The following PTPN12 variants were observed in gnomAD, a reference collection of about 807,000 sequenced individuals.
PTPN12 encodes the protein tyrosine-protein phosphatase non-receptor type 12.
In PTPN12, 29 loss-of-function variants were observed where a neutral mutation model predicts 97.6. The ratio of observed to expected loss-of-function variants is 0.30; its 90% CI spans 0.22 to 0.41. The LOEUF is 0.41. Ranked by LOEUF, PTPN12 falls within the 10% of genes least tolerant of loss-of-function variation. PTPN12 has a pLI of 1.00. For missense variants in PTPN12, 819 were observed against 926.0 expected (o/e 0.88, Z 1.50); for synonymous variants, 327 against 300.4 (o/e 1.09, Z -0.91).
intron 1 of PTPN12, among the ~76,000 whole-genome samples, chr7:77,543,838 C>T (rs1441615645): frequency 5.9e-5 from 9 of 152,092 alleles, no homozygotes; most frequent in East Asian, 3.8e-4. Flanking sequence ...AGTATTGATC[C>T]GTAGTACTTT....
intron 17 of PTPN12, 26 bp downstream of exon 17, chr7:77,638,757 A>G: frequency 6.3e-7 from 1 of 1,589,116 alleles, no homozygotes; most frequent in Non-Finnish European, 8.5e-7. Context: ...AATAATTTTT[A>G]GTAAGTAGTT....
At chr7:77,556,672 A>G (rs1361249863) in intron 1 of PTPN12, among the ~76,000 whole-genome samples, 1 of 151,464 alleles carries the variant, frequency 6.6e-6, no homozygotes, top group Non-Finnish European at 1.5e-5. Context: ...ACATGGTGAA[A>G]CCCCGTCTCT....
At position 77,593,583 on chromosome 7, in the gene PTPN12, A is replaced by C. The variant is rs1202778579; in HGVS notation, c.492+1327A>C. ...CAGGATGAGCCAATGTTGCAGATGAAGGCAGCCTGCTGGAGAATTCTGTCT... is the reference window on the plus strand; with the variant it reads ...CAGGATGAGCCAATGTTGCAGATGACGGCAGCCTGCTGGAGAATTCTGTCT... On this transcript the variant is annotated intron_variant, in intron 6 of 17. Transcript: ENST00000248594. 2.0e-5 allele frequency among the ~76,000 whole-genome samples: 3 copies of C among 152,332 alleles called. No individual in the cohort carries two copies. The East Asian group carries it at 5.8e-4, about 29-fold the overall frequency.
intron 1 of PTPN12, among the ~76,000 whole-genome samples, chr7:77,551,600 C>T (rs1242393100): frequency 6.6e-6 from 1 of 152,212 alleles, no homozygotes; most frequent in Non-Finnish European, 1.5e-5. Context: ...CAGGTTTCTT[C>T]AACATCACGT....
chr7:77,567,928 A>G (rs963948731), intron 1 of PTPN12, among the ~76,000 whole-genome samples: 20 of 152,348 alleles, frequency 1.3e-4, no homozygotes, highest in African/African-American at 4.6e-4. Context: ...CACACAGCTA[A>G]GAAAGTACCA....
At chr7:77,538,254 C>T (rs959422514) in intron 1 of PTPN12, 1 of 304,198 alleles carries the variant, frequency 3.3e-6, no homozygotes, top group Non-Finnish European at 4.8e-6. Flanking sequence ...ACCTAATTTC[C>T]ATTTACCCGC....
chr7:77,635,723 A>G (rs1406202144), intron 14 of PTPN12, 59 bp from the exon 15 acceptor site: 1 of 1,111,040 alleles, frequency 9.0e-7, no homozygotes, highest in Non-Finnish European at 1.3e-6. Context: ...TATTACTTTA[A>G]TGCAAAGAAA....
intron 2 of PTPN12, among the ~76,000 whole-genome samples, chr7:77,574,217 G>A (rs535771234): frequency 2.4e-4 from 36 of 152,288 alleles, no homozygotes; most frequent in African/African-American, 7.7e-4. Context: ...TAGGGAGAAA[G>A]CAGAGAATAG....
intron 8 of PTPN12, among the ~76,000 whole-genome samples, chr7:77,604,363 G>GCC: frequency 2.0e-5 from 3 of 151,494 alleles, no homozygotes; most frequent in Non-Finnish European, 4.4e-5. Flanking sequence ...TTATAGGCAT[G>GCC]CACCACCACA....
At chr7:77,550,309 A>G (rs1237700772) in intron 1 of PTPN12, among the ~76,000 whole-genome samples, 1 of 152,214 alleles carries the variant, frequency 6.6e-6, no homozygotes, top group African/African-American at 2.4e-5. Flanking sequence ...CTAATACGGT[A>G]AATAGATTAT....
At chr7:77,594,235 G>A (rs1057366276) in intron 6 of PTPN12, among the ~76,000 whole-genome samples, 1 of 152,106 alleles carries the variant, frequency 6.6e-6, no homozygotes, top group Non-Finnish European at 1.5e-5. Flanking sequence ...CTGAGGTGGG[G>A]AGGATTGCTT....
At position 77,537,590 on chromosome 7, in the gene PTPN12, A is replaced by G. The variant is rs1267936408; in HGVS notation, c.44A>G (p.Gln15Arg). The change falls in exon 1 of 18, where the codon CAG becomes CGG. Residue 15 changes from glutamine to arginine, a missense_variant. By Grantham distance (43) the Gln-to-Arg change is conservative (BLOSUM62 1). This residue lies in a region of PTPN12 where 59 missense variants were observed against 42.2 expected (regional missense o/e 1.40). Coordinates refer to ENST00000248594, the MANE Select transcript of PTPN12 (RefSeq NM_002835.4). Reference protein sequence around the residue: ...EILRKFIQRVQAMKSPDHNGE... With the variant: ...EILRKFIQRVRAMKSPDHNGE... ...CTGAGGAAATTCATCCAGAGGGTCC[A>G]GGCCATGAAGAGTCCTGACCACAAT... 3.1e-6 allele frequency: 5 copies of G among 1,605,094 alleles called. No individual in the cohort carries two copies. In the Admixed American group the frequency reaches 6.7e-5, roughly 22 times the overall value.
chr7:77,569,611 A>T (rs1471609562), intron 1 of PTPN12, among the ~76,000 whole-genome samples: 1 of 152,116 alleles, frequency 6.6e-6, no homozygotes, highest in Non-Finnish European at 1.5e-5. Context: ...TCTCTACTAA[A>T]AATATGAAAA....
Position 77,607,142 on chromosome 7 carries a change from T to G in PTPN12, c.696-93T>G. Reference sequence around the variant, plus strand: ...AATTTTGTCAAACTTCTTAAATGATTTTTTGTTTCTGAATATTAACATGTC... The same window carrying G: ...AATTTTGTCAAACTTCTTAAATGATGTTTTGTTTCTGAATATTAACATGTC... On this transcript the variant is annotated intron_variant, in intron 8 of 17. Transcript: ENST00000248594. 11 of 1,023,058 alleles carry G rather than the reference T, an allele frequency of 1.1e-5. 1 individual carries two copies. The highest frequency in any genetic ancestry group is 2.7e-4 in the Middle Eastern group (1 of 3,702). The allele number at this position is 1,023,058 out of a possible 1,614,324, so 63.4% of individuals were successfully genotyped here. A position where few individuals can be genotyped will look rare whatever the true frequency, so the allele number is the denominator to read the frequency against.
chr7:77,539,393 A>G (rs1806839705), intron 1 of PTPN12, among the ~76,000 whole-genome samples: 1 of 152,186 alleles, frequency 6.6e-6, no homozygotes, highest in Non-Finnish European at 1.5e-5. Flanking sequence ...TATTTAGCCT[A>G]TGTATTTTTG....
rs372251076 is a variant in PTPN12 at position 77,635,842 on chromosome 7, A to C, written c.2135A>C (p.Lys712Thr). 15 of 1,603,928 alleles carry C rather than the reference A, an allele frequency of 9.4e-6. No individual in the cohort carries two copies. The highest frequency in any genetic ancestry group is 2.7e-5 in the African/African-American group (2 of 74,582). ...LQSQERSEQKKSEGLITSENE... is the reference protein window; with the variant it reads ...LQSQERSEQKTSEGLITSENE... Reference sequence around the variant, plus strand: ...AGTCAGGAACGATCTGAACAAAAAAAGTCTGAAGTAAGTCCTTTTGGAATT... The same window carrying C: ...AGTCAGGAACGATCTGAACAAAAAACGTCTGAAGTAAGTCCTTTTGGAATT... The change falls in exon 15 of 18, where the codon AAG (lysine) becomes ACG (threonine). Residue 712 changes from lysine to threonine, a missense_variant. Coordinates refer to ENST00000248594, the MANE Select transcript of PTPN12 (RefSeq NM_002835.4).
chr7:77,560,892 T>TCC (rs1807967324), intron 1 of PTPN12, among the ~76,000 whole-genome samples: 1 of 151,866 alleles, frequency 6.6e-6, no homozygotes, highest in Admixed American at 6.6e-5. Flanking sequence ...GACCCTGCTT[T>TCC]CCGTTCTTTG....
chr7:77,577,592 T>C (rs1787381910), intron 2 of PTPN12, among the ~76,000 whole-genome samples: 1 of 152,184 alleles, frequency 6.6e-6, no homozygotes. Flanking sequence ...ACAACATTAT[T>C]GTGCTTATTA....
chr7:77,635,037 G>T (rs896684057), intron 14 of PTPN12, among the ~76,000 whole-genome samples: 1 of 151,780 alleles, frequency 6.6e-6, no homozygotes, highest in Non-Finnish European at 1.5e-5. Context: ...TAGAGATAGG[G>T]TCTCACCATG....
Sources: allele counts gnomAD v4.1 joint callset (sites outside exome capture counted in the v4.1 genomes callset), GRCh38; gene constraint gnomAD v4.1.1; regional missense constraint gnomAD v4.1.1; transcripts MANE v1.5; gene names NCBI Gene and HGNC (gene_info 2026-07-23, HGNC 2026-07-21).